Variants in SLC24A2 observed in about 807,000 individuals in gnomAD.
SLC24A2 encodes the protein solute carrier family 24 member 2.
SLC24A2 carries 36 observed loss-of-function variants against 62.0 expected under a neutral mutation model. The observed-to-expected ratio is 0.58, with a 90% CI of 0.44 to 0.77. The LOEUF (loss-of-function observed/expected upper bound fraction) is 0.77, where lower values mean the gene tolerates loss of function less well. Ranked by LOEUF, SLC24A2 falls within the 30% of genes least tolerant of loss-of-function variation. SLC24A2 has a pLI of 0.00. For synonymous variants in SLC24A2, 358 were observed against 294.0 expected (o/e 1.22, Z -2.23); for missense variants, 846 against 817.9 (o/e 1.03, Z -0.42).
At chr9:20,233,778 G>C in the SLC24A2 span, among the ~76,000 whole-genome samples, 3 of 152,178 alleles carry the variant, frequency 2.0e-5, no homozygotes, top group Non-Finnish European at 4.4e-5. Context: ...TATGATGTTA[G>C]CTGGTTATTT....
chr9:19,698,237 C>G (rs1820249604), intron 2 of SLC24A2, among the ~76,000 whole-genome samples: 1 of 152,082 alleles, frequency 6.6e-6, no homozygotes, highest in Non-Finnish European at 1.5e-5. Flanking sequence ...TGTGACAGTT[C>G]TCAGTCAAAT....
At chr9:20,180,109 G>A in the SLC24A2 span, among the ~76,000 whole-genome samples, 2 of 152,182 alleles carry the variant, frequency 1.3e-5, no homozygotes, top group Non-Finnish European at 2.9e-5. Context: ...TAAGAAACAA[G>A]TGTAGGTTGT....
chr9:19,725,222 C>G (rs1821136948), intron 2 of SLC24A2, among the ~76,000 whole-genome samples: 1 of 152,090 alleles, frequency 6.6e-6, no homozygotes, highest in Non-Finnish European at 1.5e-5. Context: ...CAGGTAATTC[C>G]CCCCACAACA....
At chr9:20,132,621 A>G in the SLC24A2 span, among the ~76,000 whole-genome samples, 174 of 152,204 alleles carry the variant, frequency 1.1e-3, 1 homozygote, top group African/African-American at 4.0e-3. Context: ...TTCTCATGCT[A>G]TGTCTCAGGA....
chr9:19,994,733 A>G, the SLC24A2 span, among the ~76,000 whole-genome samples: 1 of 152,168 alleles, frequency 6.6e-6, no homozygotes, highest in Non-Finnish European at 1.5e-5. Flanking sequence ...CCCTGAAGAT[A>G]GTGTGGCTTC....
chr9:19,664,076 T>C (rs1819180059), intron 2 of SLC24A2, among the ~76,000 whole-genome samples: 1 of 151,924 alleles, frequency 6.6e-6, no homozygotes, highest in African/African-American at 2.4e-5. Flanking sequence ...CCTCAATCAG[T>C]TTCTCTGCCA....
chr9:19,965,919 C>T, the SLC24A2 span, among the ~76,000 whole-genome samples: 1 of 152,270 alleles, frequency 6.6e-6, no homozygotes, highest in Admixed American at 6.5e-5. Flanking sequence ...ACCCAAGAAA[C>T]CTGCCCTACA....
chr9:20,293,094 T>C, the SLC24A2 span, among the ~76,000 whole-genome samples: 1 of 152,230 alleles, frequency 6.6e-6, no homozygotes, highest in African/African-American at 2.4e-5. Flanking sequence ...TGTGTGTCTC[T>C]CCTGACTCTT....
At chr9:19,910,609 T>C in the SLC24A2 span, among the ~76,000 whole-genome samples, 2 of 152,238 alleles carry the variant, frequency 1.3e-5, no homozygotes, top group South Asian at 2.1e-4. Context: ...TCTCCACATA[T>C]AGCATGCTTG....
chr9:19,614,629 A>G (rs939776693), intron 4 of SLC24A2, among the ~76,000 whole-genome samples: 23 of 152,208 alleles, frequency 1.5e-4, no homozygotes, highest in Non-Finnish European at 2.5e-4. Flanking sequence ...ATGCAGTACA[A>G]CTGACATCCT....
the SLC24A2 span, among the ~76,000 whole-genome samples, chr9:20,095,841 G>A: frequency 1.3e-5 from 2 of 152,166 alleles, no homozygotes; most frequent in African/African-American, 2.4e-5. Flanking sequence ...CGAAAGGCAA[G>A]TCTTATATGG....
chr9:20,181,667 A>T, the SLC24A2 span, among the ~76,000 whole-genome samples: 2 of 152,246 alleles, frequency 1.3e-5, no homozygotes, highest in East Asian at 1.9e-4. Flanking sequence ...GGTAAGACCT[A>T]AAACCATACA....
intron 2 of SLC24A2, among the ~76,000 whole-genome samples, chr9:19,707,490 A>C (rs1244204323): frequency 6.6e-6 from 1 of 152,248 alleles, no homozygotes; most frequent in Non-Finnish European, 1.5e-5. Context: ...ATGAACGTTG[A>C]TGCAAAAATC....
At chr9:20,148,540 C>A in the SLC24A2 span, among the ~76,000 whole-genome samples, 50 of 152,118 alleles carry the variant, frequency 3.3e-4, no homozygotes, top group African/African-American at 1.2e-3. Flanking sequence ...AGCTGTGTAG[C>A]TGGATTAGAA....
At chr9:19,789,606 G>C (rs985982823), upstream of SLC24A2, among the ~76,000 whole-genome samples, 4 of 152,164 alleles carry the variant, frequency 2.6e-5, no homozygotes, top group East Asian at 7.7e-4. Flanking sequence ...TCACTGACAG[G>C]CTTCGGCTTT....
At chr9:20,270,800 A>T in the SLC24A2 span, among the ~76,000 whole-genome samples, 1 of 152,238 alleles carries the variant, frequency 6.6e-6, no homozygotes, top group African/African-American at 2.4e-5. Context: ...TATTTTAAAA[A>T]CAAAAATGTT....
chr9:19,988,410 C>G, the SLC24A2 span, among the ~76,000 whole-genome samples: 13 of 152,196 alleles, frequency 8.5e-5, no homozygotes, highest in Non-Finnish European at 1.9e-4. Context: ...GGCTTTTAAT[C>G]CCCACTGAAC....
chr9:19,572,259 C>CAAAAA (rs34529143), intron 7 of SLC24A2, among the ~76,000 whole-genome samples: 1 of 69,772 alleles, frequency 1.4e-5, no homozygotes, highest in Non-Finnish European at 2.6e-5. Context: ...GAGTCCGTCT[C>CAAAAA]AAAAAAAAAA....
the SLC24A2 span, among the ~76,000 whole-genome samples, chr9:20,205,288 T>C: frequency 0.015 from 2,342 of 152,222 alleles, 73 homozygotes; most frequent in African/African-American, 0.053. Context: ...CATGATTGAA[T>C]TGCAAGCTGA....
Sources: gnomAD v4.1 joint callset for allele counts (sites outside exome capture counted in the v4.1 genomes callset) on GRCh38, gnomAD v4.1.1 for gene constraint, MANE v1.5 for transcripts, NCBI Gene and HGNC (gene_info 2026-07-23, HGNC 2026-07-21) for gene names.